Variants in GALNT13 observed in about 807,000 individuals in gnomAD.
GALNT13 encodes the protein polypeptide N-acetylgalactosaminyltransferase 13.
GALNT13 carries 28 observed loss-of-function variants against 64.2 expected under a neutral mutation model. That is an observed-to-expected ratio of 0.44 (90% CI 0.32 to 0.60). The LOEUF (loss-of-function observed/expected upper bound fraction) is 0.60, where lower values mean the gene tolerates loss of function less well. Ranked by LOEUF, GALNT13 falls within the 20% of genes least tolerant of loss-of-function variation. The pLI is 0.05. For synonymous variants in GALNT13, 214 were observed against 224.6 expected (o/e 0.95, Z 0.42); for missense variants, 577 against 669.8 (o/e 0.86, Z 1.53).
chr2:154,167,692 G>A (rs944051986), intron 4 of GALNT13, among the ~76,000 whole-genome samples: 2 of 152,134 alleles, frequency 1.3e-5, no homozygotes, highest in African/African-American at 4.8e-5. Flanking sequence ...GGAGAGAAAG[G>A]CATCCATGTG....
chr2:153,715,714 C>T, the GALNT13 span, among the ~76,000 whole-genome samples: 1 of 152,160 alleles, frequency 6.6e-6, no homozygotes, highest in Non-Finnish European at 1.5e-5. Flanking sequence ...AGGCTCTAGC[C>T]CTTCCATCTT....
chr2:153,460,215 G>A, the GALNT13 span, among the ~76,000 whole-genome samples: 11 of 151,968 alleles, frequency 7.2e-5, no homozygotes, highest in African/African-American at 2.7e-4. Context: ...GAATGTGTTC[G>A]AAGTACTTAT....
intron 9 of GALNT13, among the ~76,000 whole-genome samples, chr2:154,335,705 A>T (rs1335339369): frequency 2.0e-5 from 3 of 152,006 alleles, no homozygotes; most frequent in African/African-American, 2.4e-5. Context: ...TATTATAGGG[A>T]TTAATCAAAA....
chr2:153,228,455 T>G, the GALNT13 span, among the ~76,000 whole-genome samples: 1 of 152,196 alleles, frequency 6.6e-6, no homozygotes, highest in African/African-American at 2.4e-5. Context: ...GCACCAATCT[T>G]TATTAGCTTT....
the GALNT13 span, among the ~76,000 whole-genome samples, chr2:153,150,387 G>A: frequency 1.3e-5 from 2 of 151,944 alleles, no homozygotes; most frequent in East Asian, 1.9e-4. Context: ...TTTGTCAGTT[G>A]AGTAGATTGC....
the GALNT13 span, among the ~76,000 whole-genome samples, chr2:153,461,941 A>T: frequency 6.6e-6 from 1 of 152,096 alleles, no homozygotes; most frequent in African/African-American, 2.4e-5. Flanking sequence ...CTCTTTCTAT[A>T]AGTTATGGAA....
At chr2:153,870,171 T>G (rs1389380206), upstream of GALNT13, among the ~76,000 whole-genome samples, 2 of 152,066 alleles carry the variant, frequency 1.3e-5, no homozygotes. Context: ...CTAATAAGTT[T>G]TGGAATGGTG....
At chr2:153,626,253 C>G in the GALNT13 span, among the ~76,000 whole-genome samples, 1 of 151,872 alleles carries the variant, frequency 6.6e-6, no homozygotes, top group African/African-American at 2.4e-5. Context: ...AGGAAGAACC[C>G]AACATAAAGA....
the GALNT13 span, among the ~76,000 whole-genome samples, chr2:153,210,747 T>C: frequency 6.6e-6 from 1 of 152,210 alleles, no homozygotes; most frequent in African/African-American, 2.4e-5. Context: ...GCAAGTTTAG[T>C]TGGCAATTTT....
chr2:153,117,121 GA>G, the GALNT13 span, among the ~76,000 whole-genome samples: 1 of 151,984 alleles, frequency 6.6e-6, no homozygotes, highest in Non-Finnish European at 1.5e-5. Context: ...TTCTTTTTAA[GA>G]AAAACCAGCC....
the GALNT13 span, among the ~76,000 whole-genome samples, chr2:153,438,255 A>C: frequency 6.6e-6 from 1 of 152,124 alleles, no homozygotes; most frequent in Non-Finnish European, 1.5e-5. Flanking sequence ...GGCTGTCCTT[A>C]ACATTTTTTC....
the GALNT13 span, among the ~76,000 whole-genome samples, chr2:153,331,654 C>T: frequency 6.6e-6 from 1 of 151,914 alleles, no homozygotes; most frequent in African/African-American, 2.4e-5. Flanking sequence ...TTTATATTTG[C>T]TGGCAGCTGA....
the GALNT13 span, among the ~76,000 whole-genome samples, chr2:153,337,038 G>A: frequency 6.6e-6 from 1 of 151,984 alleles, no homozygotes; most frequent in Admixed American, 6.6e-5. Flanking sequence ...ATGATTCTGA[G>A]GCCTCCCCAG....
At chr2:154,252,728 TAGATAGATA>T (rs1235985383) in intron 7 of GALNT13, among the ~76,000 whole-genome samples, 1 of 12,370 alleles carries the variant, frequency 8.1e-5, no homozygotes, top group Non-Finnish European at 2.1e-4. Flanking sequence ...TGGAAAAAGA[TAGATAGATA>T]GATAGATAGA....
the GALNT13 span, among the ~76,000 whole-genome samples, chr2:153,181,030 C>CTTTTTTTTTTTTTTTTTT: frequency 4.7e-4 from 15 of 32,076 alleles, 2 homozygotes; most frequent in Non-Finnish European, 7.1e-4. Flanking sequence ...TTTATTGTTT[C>CTTTTTTTTTTTTTTTTTT]TTTTTTTTTT....
chr2:153,703,465 T>A, the GALNT13 span, among the ~76,000 whole-genome samples: 4 of 152,314 alleles, frequency 2.6e-5, no homozygotes, highest in East Asian at 7.7e-4. Context: ...CTTGGGATTA[T>A]GTTTTTTTTC....
chr2:153,327,599 G>T, the GALNT13 span, among the ~76,000 whole-genome samples: 1 of 151,494 alleles, frequency 6.6e-6, no homozygotes, highest in Non-Finnish European at 1.5e-5. Context: ...ATTGATACTT[G>T]TGTATGCTTC....
At chr2:153,799,516 G>T in the GALNT13 span, among the ~76,000 whole-genome samples, 4 of 152,222 alleles carry the variant, frequency 2.6e-5, no homozygotes, top group African/African-American at 4.8e-5. Flanking sequence ...ACCATGTCAG[G>T]TCTCAGAGGC....
the GALNT13 span, among the ~76,000 whole-genome samples, chr2:153,625,597 G>A: frequency 4.6e-3 from 702 of 152,204 alleles, 4 homozygotes; most frequent in African/African-American, 0.016. Context: ...TCCCTGTTCT[G>A]TTCTGTTCAT....
Sources: allele counts gnomAD v4.1 joint callset (sites outside exome capture counted in the v4.1 genomes callset), GRCh38; gene constraint gnomAD v4.1.1; transcripts MANE v1.5; gene names NCBI Gene and HGNC (gene_info 2026-07-23, HGNC 2026-07-21).